EPB41L2: variants seen among roughly 807,000 people sequenced by gnomAD.
EPB41L2 encodes the protein band 4.1-like protein 2.
A neutral mutation model predicts 113.0 loss-of-function variants in EPB41L2; 43 were observed. That is an observed-to-expected ratio of 0.38 (90% CI 0.30 to 0.49). The LOEUF (loss-of-function observed/expected upper bound fraction) is 0.49. EPB41L2 is among the 20% of genes least tolerant of loss of function. The probability of loss-of-function intolerance (pLI) is 0.95; values close to 1 mark genes in which losing one functional copy is unlikely to be tolerated. For missense variants in EPB41L2, 1,147 were observed against 1,223.4 expected (o/e 0.94, Z 0.93); for synonymous variants, 442 against 436.7 (o/e 1.01, Z -0.15).
intron 4 of EPB41L2, among the ~76,000 whole-genome samples, chr6:130,923,843 A>G (rs1049064775): frequency 6.6e-6 from 1 of 152,244 alleles, no homozygotes; most frequent in Non-Finnish European, 1.5e-5. Context: ...TAAAAAACAC[A>G]TAACATAAAA....
chr6:130,931,721 A>C (rs1027749897), intron 3 of EPB41L2, among the ~76,000 whole-genome samples: 3 of 152,216 alleles, frequency 2.0e-5, no homozygotes, highest in African/African-American at 7.2e-5. Flanking sequence ...CACAATGCAT[A>C]ATGGTAGCAC....
intron 4 of EPB41L2, among the ~76,000 whole-genome samples, chr6:130,925,095 T>TA (rs1422565530): frequency 6.6e-6 from 1 of 151,220 alleles, no homozygotes; most frequent in Non-Finnish European, 1.5e-5. Context: ...GTTGTCAAAA[T>TA]AAAAAAACAG....
chr6:130,993,948 G>A (rs1782483730), intron 1 of EPB41L2, among the ~76,000 whole-genome samples: 1 of 152,192 alleles, frequency 6.6e-6, no homozygotes, highest in Non-Finnish European at 1.5e-5. Flanking sequence ...GGCAGTATAT[G>A]ACCTAACCTA....
Position 130,865,703 on chromosome 6 carries a change from G to A in EPB41L2, c.2731-69C>T, listed in dbSNP as rs556032788. The A allele has an allele frequency of 2.5e-4, 366 of 1,485,356 alleles. 3 individuals carry two copies. In the South Asian group the frequency reaches 3.6e-3, roughly 14 times the overall value. The allele number at this position is 1,485,356 out of a possible 1,614,324, so 92.0% of individuals were successfully genotyped here. A position where few individuals can be genotyped will look rare whatever the true frequency, so the allele number is the denominator to read the frequency against. On this transcript the variant is annotated intron_variant, in intron 16 of 19. Transcript: ENST00000337057. ...TGTTATGTTGTCAGAGAAGATCCCC[G>A]CCCCATCGAATATGCATCTTTTAAA...
In EPB41L2 at chr6:131,050,707, AC is replaced by A. The variant is rs534115013; in HGVS notation, c.-15+12447del. Among the ~76,000 whole-genome samples, 85 of 152,348 alleles carry A rather than the reference AC, an allele frequency of 5.6e-4. 1 individual carries two copies. The South Asian group carries it at 0.017, about 31-fold the overall frequency. ...TTTCACCCTTACAATATTTAACAGA[AC>A]CTGCATATGTTCAAAACTTACTCTA... On this transcript the variant is annotated intron_variant, in intron 1 of 19. Coordinates refer to ENST00000337057, the MANE Select transcript of EPB41L2 (RefSeq NM_001431.4).
At chr6:130,926,760 T>A (rs373650817) in intron 3 of EPB41L2, 51 bp from the exon 4 acceptor site, 150 of 1,137,040 alleles carry the variant, frequency 1.3e-4, no homozygotes, top group Non-Finnish European at 1.8e-4. Flanking sequence ...ATTCCAAGAC[T>A]GCTATAAATT....
chr6:130,877,991 A>G (rs1788089753), intron 14 of EPB41L2, 113 bp downstream of exon 14: 1 of 1,101,474 alleles, frequency 9.1e-7, no homozygotes, highest in African/African-American at 1.6e-5. Flanking sequence ...TTACATAAAA[A>G]TAATTAAATG....
At chr6:130,872,634 A>G (rs1786133079) in intron 14 of EPB41L2, 3 of 752,754 alleles carry the variant, frequency 4.0e-6, no homozygotes, top group Non-Finnish European at 5.5e-6. Context: ...CACAAGAAAG[A>G]ACAACAGAAC....
At chr6:131,028,206 T>C (rs1473697940) in intron 1 of EPB41L2, among the ~76,000 whole-genome samples, 1 of 152,060 alleles carries the variant, frequency 6.6e-6, no homozygotes, top group African/African-American at 2.4e-5. Flanking sequence ...ATTTCTGGAG[T>C]GGACAAAATG....
intron 3 of EPB41L2, among the ~76,000 whole-genome samples, chr6:130,934,432 T>G (rs142974609): frequency 1.3e-5 from 2 of 152,264 alleles, no homozygotes; most frequent in African/African-American, 4.8e-5. Flanking sequence ...TACAAACATA[T>G]GCATGTAGAT....
chr6:131,032,997 T>C lies in EPB41L2; in HGVS notation c.-15+30158A>G, dbSNP rs183752250. Among the ~76,000 whole-genome samples the C allele has an allele frequency of 1.4e-3, 213 of 152,260 alleles. 2 individuals carry two copies. Among genetic ancestry groups the C allele is most frequent in the African/African-American group, 4.8e-3 (200 of 41,554 alleles). On this transcript the variant is annotated intron_variant, in intron 1 of 19. Transcript: ENST00000337057. ...TTCAAGCAATTCTCCTGCCTCAGCC[T>C]CCCGAGTAGCTGGGATTACAGGCGC... is the stretch of plus-strand genomic sequence containing the variant.
At position 130,869,698 on chromosome 6, in the gene EPB41L2, G is replaced by A. The variant is rs17059736; in HGVS notation, c.2472C>T (p.Pro824=). 209,868 of 1,613,892 alleles carry A rather than the reference G, an allele frequency of 0.13. 15,442 individuals carry two copies. The highest frequency in any genetic ancestry group is 0.26 in the Admixed American group (15,625 of 59,996). The change falls in exon 15 of 20, where the codon CCC becomes CCT. Residue 824 remains proline (P), a synonymous_variant. Coordinates refer to ENST00000337057, the MANE Select transcript of EPB41L2 (RefSeq NM_001431.4). The part of the protein sequence containing the change: ...IQENVGAQKI[P]GEKSVHEGAL... ...CGCCTTCGTGTACACTCTTCTCTCC[G>A]GGTATCTTTTGGGCACCTACATTTT...
chr6:130,928,444 T>G (rs1253815524), intron 3 of EPB41L2, among the ~76,000 whole-genome samples: 1 of 152,214 alleles, frequency 6.6e-6, no homozygotes, highest in African/African-American at 2.4e-5. Flanking sequence ...AGAGTTGCAG[T>G]ACATAACAAT....
At chr6:130,855,338 G>A (rs549591998) in intron 19 of EPB41L2, among the ~76,000 whole-genome samples, 4 of 152,174 alleles carry the variant, frequency 2.6e-5, no homozygotes, top group South Asian at 4.1e-4. Flanking sequence ...GCGACAGAGC[G>A]AGACTCCGTC....
intron 1 of EPB41L2, among the ~76,000 whole-genome samples, chr6:130,961,809 T>C (rs1773633376): frequency 6.6e-6 from 1 of 152,222 alleles, no homozygotes; most frequent in African/African-American, 2.4e-5. Context: ...TCAACCCATT[T>C]TGTAAGGATC....
intron 1 of EPB41L2, among the ~76,000 whole-genome samples, chr6:130,988,496 T>C (rs1584303804): frequency 1.3e-5 from 2 of 152,288 alleles, no homozygotes; most frequent in African/African-American, 2.4e-5. Context: ...TGAAAAGTTT[T>C]AGTAATACAA....
intron 6 of EPB41L2, 38 bp from the exon 7 acceptor site, chr6:130,901,218 C>G (rs765577076): frequency 6.3e-7 from 1 of 1,586,966 alleles, no homozygotes; most frequent in Non-Finnish European, 8.6e-7. Flanking sequence ...CAGGGGAGAA[C>G]CATTAGGTGA....
At position 130,965,985 on chromosome 6, in the gene EPB41L2, C is replaced by T. The variant is rs548835439; in HGVS notation, c.-14-9486G>A. Reference sequence around the variant, plus strand: ...GGCCACAATGGAAGAAGAAGAATGTCTTGGGCCACACATAAAATACACTAA... The same window carrying T: ...GGCCACAATGGAAGAAGAAGAATGTTTTGGGCCACACATAAAATACACTAA... On this transcript the variant is annotated intron_variant, in intron 1 of 19. Coordinates refer to ENST00000337057, the MANE Select transcript of EPB41L2 (RefSeq NM_001431.4). Among the ~76,000 whole-genome samples, 303 of 151,936 alleles carry T rather than the reference C, an allele frequency of 2.0e-3. 1 individual carries two copies. The highest frequency in any genetic ancestry group is 7.0e-3 in the African/African-American group (288 of 41,432).
intron 2 of EPB41L2, 133 bp downstream of exon 2, chr6:130,955,861 C>T (rs1402666760): frequency 1.4e-6 from 2 of 1,437,380 alleles, no homozygotes; most frequent in Non-Finnish European, 1.9e-6. Flanking sequence ...ATCTAAGACC[C>T]ATTCCGTATA....
Sources: gnomAD v4.1 joint callset for allele counts (sites outside exome capture counted in the v4.1 genomes callset) on GRCh38, gnomAD v4.1.1 for gene constraint, MANE v1.5 for transcripts, NCBI Gene and HGNC (gene_info 2026-07-23, HGNC 2026-07-21) for gene names.